Variants in ADCY10 observed in about 807,000 individuals in gnomAD.
ADCY10 encodes adenylate cyclase type 10.
Under a neutral mutation model 183.3 loss-of-function variants are expected in ADCY10, and 156 were observed. The observed-to-expected ratio is 0.85, with a 90% CI of 0.75 to 0.97. ADCY10 has a LOEUF of 0.97. Among genes scored for constraint, ADCY10 ranks in the 50% least tolerant of loss-of-function variants. ADCY10 has a pLI of 0.00. For synonymous variants in ADCY10, 645 were observed against 670.0 expected (o/e 0.96, Z 0.58); for missense variants, 1,745 against 1,934.3 (o/e 0.90, Z 1.84).
chr1:167,894,619 A>G (rs1557823793), intron 7 of ADCY10, among the ~76,000 whole-genome samples: 2 of 151,234 alleles, frequency 1.3e-5, no homozygotes, highest in African/African-American at 2.4e-5. Context: ...GTGAAAAAAA[A>G]TGTGTGTGTG....
rs1571269534 is a variant in ADCY10, at chr1:167,840,599, G to A, written c.3008-3281C>T. ...TCTCAATCTCCTGACCTTGTGATCT[G>A]CCTGCCTCGGCCTCACAAAGTGCTG... On this transcript the variant is annotated intron_variant, in intron 21 of 32. Coordinates refer to ENST00000367851, the MANE Select transcript of ADCY10 (RefSeq NM_018417.6). 2.6e-5 allele frequency among the ~76,000 whole-genome samples: 4 copies of A among 152,056 alleles called. No homozygotes were observed. The East Asian group carries it at 7.8e-4, about 29-fold the overall frequency.
intron 7 of ADCY10, among the ~76,000 whole-genome samples, chr1:167,894,759 C>T (rs929708735): frequency 6.6e-6 from 1 of 152,048 alleles, no homozygotes; most frequent in Non-Finnish European, 1.5e-5. Context: ...TTAAGGAGAT[C>T]CCCAGATTTG....
intron 29 of ADCY10, among the ~76,000 whole-genome samples, 190 bp downstream of exon 29, chr1:167,822,818 G>C (rs578054400): frequency 6.6e-6 from 1 of 151,992 alleles, no homozygotes; most frequent in Non-Finnish European, 1.5e-5. Flanking sequence ...CCTTCTTGCC[G>C]TGCCTTTACA....
intron 21 of ADCY10, among the ~76,000 whole-genome samples, chr1:167,841,528 G>C (rs927969104): frequency 4.2e-5 from 2 of 48,040 alleles, no homozygotes; most frequent in Non-Finnish European, 6.7e-5. Context: ...TTTTTTAAGA[G>C]TTGGGGTCTT....
intron 7 of ADCY10, 137 bp from the exon 8 acceptor site, chr1:167,894,078 A>T: frequency 1.4e-6 from 1 of 693,492 alleles, no homozygotes; most frequent in South Asian, 1.5e-5. Context: ...ACTCTGGGAC[A>T]CCTAGGGGCT....
chr1:167,882,536 C>T (rs1410817485), intron 9 of ADCY10, among the ~76,000 whole-genome samples: 1 of 149,676 alleles, frequency 6.7e-6, no homozygotes, highest in African/African-American at 2.5e-5. Flanking sequence ...GAGCCAGAGG[C>T]AGTCCCCTCC....
Position 167,848,455 on chromosome 1 carries a change from C to T in ADCY10, c.2343G>A (p.Met781Ile), listed in dbSNP as rs780158727. The change falls in exon 19 of 33, where the codon ATG (methionine) becomes ATA (isoleucine). Residue 781 changes from methionine to isoleucine, a missense_variant. By Grantham distance (10) the Met-to-Ile change is conservative. Coordinates refer to ENST00000367851, the MANE Select transcript of ADCY10 (RefSeq NM_018417.6). Reference sequence around the variant, plus strand: ...TTTCCTTATCACTATGGAGAGTAACCATGTTTAACTTCTCTGTTAGCTTAA... The same window carrying T: ...TTTCCTTATCACTATGGAGAGTAACTATGTTTAACTTCTCTGTTAGCTTAA... The part of the protein sequence containing the change: ...YSIKLTEKLN[M>I]VTLHSDKESE... 6.2e-7 allele frequency: 1 copy of T among 1,613,222 alleles called. No individual in the cohort carries two copies. Among genetic ancestry groups the T allele is most frequent in the Non-Finnish European group, 8.5e-7 (1 of 1,179,328 alleles).
rs200127815 is a variant in ADCY10 at position 167,899,479 on chromosome 1, G to A, written c.586C>T (p.Leu196Phe). The change falls in exon 6 of 33, where the codon CTC (leucine) becomes TTC (phenylalanine). Residue 196 changes from leucine to phenylalanine, a missense_variant. Physicochemically the swap from Leu to Phe is conservative, Grantham distance 22. Transcript: ENST00000367851. ...ATTTCAATCATGCTCCGGTCACAGA[G>A]CTGCCAGCAGTTTGGTGACAGAATA... ...DVILSPNCWQ[L>F]CDRSMIEIES... 5 of 1,614,096 alleles carry A rather than the reference G, an allele frequency of 3.1e-6. No individual in the cohort carries two copies. The highest frequency in any genetic ancestry group is 1.7e-5 in the Admixed American group (1 of 60,000).
intron 14 of ADCY10, among the ~76,000 whole-genome samples, chr1:167,864,981 CTG>C (rs111435545): frequency 0.024 from 3,614 of 150,590 alleles, 110 homozygotes; most frequent in African/African-American, 0.075. Flanking sequence ...AATAAATTAA[CTG>C]TTGTTTAAAG....
At chr1:167,882,408 C>T (rs1667925880) in intron 9 of ADCY10, among the ~76,000 whole-genome samples, 1 of 149,340 alleles carries the variant, frequency 6.7e-6, no homozygotes, top group South Asian at 2.1e-4. Flanking sequence ...TCGCTTGAAC[C>T]CGGGAGGCGG....
At position 167,880,172 on chromosome 1, in the gene ADCY10, C is replaced by A; in HGVS notation, c.1159G>T (p.Ala387Ser). ...ATCCCACAGAAGACAATCCCACTGG[C>A]AACACCGATGGATACAGTTCTGGTG... ...HKIQTVSIGV[A>S]SGIVFCGIVG... The change falls in exon 11 of 33, where the codon GCC becomes TCC. Residue 387 changes from alanine (A) to serine (S), a missense_variant. Coordinates refer to ENST00000367851, the MANE Select transcript of ADCY10 (RefSeq NM_018417.6). 1 of 1,613,418 alleles carries A rather than the reference C, an allele frequency of 6.2e-7. No homozygotes were observed. Among genetic ancestry groups the A allele is most frequent in the Non-Finnish European group, 8.5e-7 (1 of 1,179,788 alleles).
chr1:167,826,103 CTG>C (rs1360464182), intron 26 of ADCY10, among the ~76,000 whole-genome samples: 2 of 152,140 alleles, frequency 1.3e-5, no homozygotes, highest in Non-Finnish European at 2.9e-5. Flanking sequence ...CCTACAAATT[CTG>C]TGTTATAGGC....
chr1:167,823,535 C>T (rs1440511305), intron 28 of ADCY10, among the ~76,000 whole-genome samples: 1 of 151,658 alleles, frequency 6.6e-6, no homozygotes, highest in Non-Finnish European at 1.5e-5. Flanking sequence ...GTGTACACTG[C>T]TCGGGTGACA....
chr1:167,901,827 G>C, intron 4 of ADCY10, 22 bp from the exon 5 acceptor site: 1 of 1,614,092 alleles, frequency 6.2e-7, no homozygotes, highest in East Asian at 2.2e-5. Context: ...GACATGCCGC[G>C]GGCTTTTGAC....
At chr1:167,909,872 A>G (rs1393803147) in intron 1 of ADCY10, among the ~76,000 whole-genome samples, 3 of 152,258 alleles carry the variant, frequency 2.0e-5, no homozygotes, top group African/African-American at 7.2e-5. Flanking sequence ...CTCTGAAGAG[A>G]AAGAGGAAGT....
rs755704729 is a variant in ADCY10, at chr1:167,901,733, C to T, written c.365G>A (p.Cys122Tyr). The T allele has an allele frequency of 9.9e-6, 16 of 1,614,200 alleles. No individual in the cohort carries two copies. The highest frequency in any genetic ancestry group is 1.3e-5 in the Non-Finnish European group (15 of 1,180,040). ...LKNIITVVIK[C>Y]SLEIHGLFET... ...AAACAATCCATGGATCTCCAGGCTA[C>T]ATTTAATTACCACTGTGATAATGTT... Residue 122 changes from cysteine (C) to tyrosine (Y), a missense_variant, in exon 5 of 33, where the codon TGT becomes TAT. Cys to Tyr is a radical substitution (Grantham distance 194). Transcript: ENST00000367851.
In ADCY10 at chr1:167,823,118, G is replaced by A. The variant is rs72697797; in HGVS notation, c.4058C>T (p.Pro1353Leu). ...CCGCCCCAGCACCTGGATCAATTGC[G>A]GGTATCTATGGAAAAGAAAAGGTAG... ...SRCLLLNSRYPQLIQVLGRLW... is the reference protein window; with the variant it reads ...SRCLLLNSRYLQLIQVLGRLW... The change falls in exon 29 of 33, where the codon CCG (proline) becomes CTG (leucine). Residue 1353 changes from proline (P) to leucine (L), a missense_variant. Coordinates refer to ENST00000367851, the MANE Select transcript of ADCY10 (RefSeq NM_018417.6). The A allele has an allele frequency of 0.037, 59,120 of 1,613,524 alleles. 1,333 individuals are homozygous for A. The highest frequency in any genetic ancestry group is 0.044 in the Non-Finnish European group (52,407 of 1,179,470).
At chr1:167,838,262 A>G (rs562258444) in intron 21 of ADCY10, among the ~76,000 whole-genome samples, 12 of 152,320 alleles carry the variant, frequency 7.9e-5, no homozygotes, top group African/African-American at 2.9e-4. Context: ...TGTACTGCAC[A>G]GAGATCAATT....
chr1:167,842,580 G>T (rs1194354862), intron 21 of ADCY10, among the ~76,000 whole-genome samples: 1 of 111,118 alleles, frequency 9.0e-6, no homozygotes, highest in Non-Finnish European at 1.8e-5. Flanking sequence ...GATATTTTAA[G>T]GAAGACACTG....
Sources: allele counts gnomAD v4.1 joint callset (sites outside exome capture counted in the v4.1 genomes callset), GRCh38; gene constraint gnomAD v4.1.1; transcripts MANE v1.5; gene names NCBI Gene and HGNC (gene_info 2026-07-23, HGNC 2026-07-21).